ACACB: variants seen among roughly 807,000 people sequenced by gnomAD.
The protein encoded by ACACB is acetyl-CoA carboxylase 2.
A neutral mutation model predicts 278.8 loss-of-function variants in ACACB; 209 were observed. The ratio of observed to expected loss-of-function variants is 0.75; its 90% confidence interval spans 0.67 to 0.84. The LOEUF is 0.84. Ranked by LOEUF, ACACB falls within the 40% of genes least tolerant of loss-of-function variation. The pLI, the probability that ACACB is intolerant of heterozygous loss-of-function variation, is 0.00. For synonymous variants in ACACB, 1,174 were observed against 1,285.6 expected (o/e 0.91, Z 1.86); for missense variants, 2,850 against 3,269.0 (o/e 0.87, Z 3.13).
Position 109,212,880 on chromosome 12 carries a change from G to A in ACACB, c.3294G>A (p.Lys1098=). The change falls in exon 22 of 53, where the codon AAG becomes AAA. Residue 1098 remains lysine, a synonymous_variant. Coordinates refer to ENST00000338432, the MANE Select transcript of ACACB (RefSeq NM_001093.4). ...LDCHAATLQR[K]ADREVFFINT... Reference sequence around the variant, plus strand: ...GCCATGCAGCCACCCTGCAGCGGAAGGCTGATCGAGAGGTCTTCTTCATCA... The same window carrying A: ...GCCATGCAGCCACCCTGCAGCGGAAAGCTGATCGAGAGGTCTTCTTCATCA... 2 of 1,614,164 alleles carry A rather than the reference G, an allele frequency of 1.2e-6. No individual in the cohort carries two copies. The highest frequency in any genetic ancestry group is 1.7e-6 in the Non-Finnish European group (2 of 1,180,024).
At chr12:109,246,492 C>T (rs751943268) in intron 39 of ACACB, 44 bp downstream of exon 39, 57 of 1,589,136 alleles carry the variant, frequency 3.6e-5, no homozygotes, top group Non-Finnish European at 4.8e-5. Context: ...TGCTCAGCTA[C>T]TACTGTATTT....
At chr12:109,234,919 T>G (rs1409262573) in intron 31 of ACACB, among the ~76,000 whole-genome samples, 1 of 148,104 alleles carries the variant, frequency 6.8e-6, no homozygotes, top group African/African-American at 2.5e-5. Context: ...CCTGTTTTTT[T>G]TTTTAGAAGA....
At chr12:109,154,860 G>T (rs1407843776) in intron 2 of ACACB, 2 of 152,746 alleles carry the variant, frequency 1.3e-5, no homozygotes, top group Non-Finnish European at 2.9e-5. Context: ...ACCCCTGCGG[G>T]AGCCCGGTGG....
intron 2 of ACACB, among the ~76,000 whole-genome samples, chr12:109,163,867 C>G (rs1223920802): frequency 1.3e-5 from 2 of 152,208 alleles, no homozygotes; most frequent in Non-Finnish European, 2.9e-5. Context: ...CCAAGCTGGT[C>G]TCTAACTCCT....
In ACACB at chr12:109,197,145, G is replaced by A; in HGVS notation, c.2619G>A (p.Glu873=). The change falls in exon 17 of 53, where the codon GAG becomes GAA. Residue 873 remains glutamate (E), a synonymous_variant. Coordinates refer to ENST00000338432, the MANE Select transcript of ACACB (RefSeq NM_001093.4). The part of the protein sequence containing the change: ...GNSYTTYMKE[E]VDSYRITIGN... The stretch of plus-strand genomic sequence containing the variant: ...GCTACACCACCTACATGAAGGAAGA[G>A]GTTGACAGGTGCGTGGGGGTGCGAG... 1.2e-6 allele frequency: 2 copies of A among 1,605,252 alleles called. No individual in the cohort carries two copies. The highest frequency in any genetic ancestry group is 8.5e-7 in the Non-Finnish European group (1 of 1,176,202).
chr12:109,223,858 C>T lies in ACACB; in HGVS notation c.3836C>T (p.Thr1279Ile). The change falls in exon 27 of 53, where the codon ACT becomes ATT. Residue 1279 changes from threonine (T) to isoleucine (I), a missense_variant. Transcript: ENST00000338432. ...SETTIFDVLP[T>I]FFYHANKVVC... Reference sequence around the variant, plus strand: ...ACAACCATCTTCGACGTCCTGCCTACTTTCTTCTATCACGCAAACAAAGTC... The same window carrying T: ...ACAACCATCTTCGACGTCCTGCCTATTTTCTTCTATCACGCAAACAAAGTC... 4 of 1,614,190 alleles carry T rather than the reference C, an allele frequency of 2.5e-6. No individual in the cohort carries two copies. The highest frequency in any genetic ancestry group is 3.4e-6 in the Non-Finnish European group (4 of 1,180,028).
At chr12:109,169,516 T>A (rs1207034533) in intron 4 of ACACB, among the ~76,000 whole-genome samples, 1 of 152,152 alleles carries the variant, frequency 6.6e-6, no homozygotes, top group Non-Finnish European at 1.5e-5. Flanking sequence ...AGTCCCCTCC[T>A]GGCTCCATCT....
At chr12:109,122,034 T>TG (rs2135941922) in intron 1 of ACACB, among the ~76,000 whole-genome samples, 1 of 151,580 alleles carries the variant, frequency 6.6e-6, no homozygotes, top group East Asian at 1.9e-4. Context: ...AGGACAGAAG[T>TG]GGGGGCAGGG....
rs758984183 is a variant in ACACB, at chr12:109,172,322, G to A, written c.1083G>A (p.Pro361=). Residue 361 remains proline (P), a synonymous_variant, in exon 6 of 53, where the codon CCG becomes CCA. Coordinates refer to ENST00000338432, the MANE Select transcript of ACACB (RefSeq NM_001093.4). ...WGHASENPKL[P]ELLCKNGVAF... is the part of the protein sequence containing the mutation. ...ATGCTTCAGAAAACCCTAAACTTCC[G>A]GAGCTGCTGTGCAAGAATGGAGTTG... The A allele has an allele frequency of 3.0e-5, 48 of 1,614,002 alleles. No homozygotes were observed. The Middle Eastern group carries it at 1.2e-3, about 39-fold the overall frequency.
chr12:109,199,507 G>A lies in ACACB; in HGVS notation c.2733G>A (p.Glu911=). 6.5e-7 allele frequency: 1 copy of A among 1,540,716 alleles called. No individual in the cohort carries two copies. The highest frequency in any genetic ancestry group is 8.8e-7 in the Non-Finnish European group (1 of 1,142,198). Residue 911 remains glutamate (E), a synonymous_variant, in exon 18 of 53, where the codon GAG becomes GAA. Coordinates refer to ENST00000338432, the MANE Select transcript of ACACB (RefSeq NM_001093.4). ...SAGKLTQYTV[E]DGGHVEAGSS... is the part of the protein sequence containing the mutation. ...GGAAGCTGACACAGTACACAGTGGA[G>A]GATGGGGGCCACGTTGAGGCTGGGA...
In ACACB at chr12:109,223,130, G is replaced by A. The variant is rs368590990; in HGVS notation, c.3792+218G>A. Among the ~76,000 whole-genome samples the A allele has an allele frequency of 2.7e-4, 41 of 152,306 alleles. 1 individual carries two copies. The East Asian group carries it at 7.3e-3, about 27-fold the overall frequency. ...GGCATGGAGCCCAGTCCTCCAGGAAGGACAGTGTGACAGCAGTGGGGGCTC... is the reference window on the plus strand; with the variant it reads ...GGCATGGAGCCCAGTCCTCCAGGAAAGACAGTGTGACAGCAGTGGGGGCTC... On this transcript the variant is annotated intron_variant, in intron 26 of 52. Coordinates refer to ENST00000338432, the MANE Select transcript of ACACB (RefSeq NM_001093.4).
chr12:109,207,649 C>T (rs922672148), intron 20 of ACACB, among the ~76,000 whole-genome samples: 7 of 152,158 alleles, frequency 4.6e-5, no homozygotes, highest in Non-Finnish European at 7.3e-5. Context: ...CGATAATAAC[C>T]GCCAACCCTT....
At chr12:109,245,504 C>G in intron 37 of ACACB, 122 bp from the exon 38 acceptor site, 1 of 1,061,450 alleles carries the variant, frequency 9.4e-7, no homozygotes, top group Non-Finnish European at 1.3e-6. Context: ...TTTCATGATT[C>G]AAAAAGAGAG....
chr12:109,262,654 C>A (rs1450154969), intron 49 of ACACB, among the ~76,000 whole-genome samples, 185 bp downstream of exon 49: 1 of 151,762 alleles, frequency 6.6e-6, no homozygotes, highest in Non-Finnish European at 1.5e-5. Flanking sequence ...TGAGGTCTGG[C>A]TCTATTGCCT....
At chr12:109,203,477 T>G (rs2045397536) in intron 19 of ACACB, among the ~76,000 whole-genome samples, 1 of 152,222 alleles carries the variant, frequency 6.6e-6, no homozygotes, top group South Asian at 2.1e-4. Context: ...AAAGATGATC[T>G]CACTGATTGT....
At chr12:109,212,700 C>T in intron 21 of ACACB, 136 bp from the exon 22 acceptor site, 6 of 686,432 alleles carry the variant, frequency 8.7e-6, no homozygotes, top group South Asian at 6.9e-5. Context: ...CTGCTTACCT[C>T]CCACTGTTCA....
chr12:109,265,036 T>C (rs2047476711), intron 50 of ACACB, 74 bp from the exon 51 acceptor site: 1 of 1,509,148 alleles, frequency 6.6e-7, no homozygotes. Flanking sequence ...GCAGCCACTG[T>C]CATGGGTGTG....
intron 1 of ACACB, among the ~76,000 whole-genome samples, chr12:109,122,545 C>G (rs1387303679): frequency 7.2e-6 from 1 of 139,008 alleles, no homozygotes; most frequent in Non-Finnish European, 1.5e-5. Flanking sequence ...TGCACTCCAG[C>G]CTAGGCGCCA....
intron 1 of ACACB, among the ~76,000 whole-genome samples, chr12:109,118,849 C>T (rs2042470093): frequency 6.6e-6 from 1 of 152,166 alleles, no homozygotes; most frequent in South Asian, 2.1e-4. Flanking sequence ...AATGTATGCA[C>T]ATTTCACATC....
Sources: allele counts gnomAD v4.1 joint callset (sites outside exome capture counted in the v4.1 genomes callset), GRCh38; gene constraint gnomAD v4.1.1; transcripts MANE v1.5; gene names NCBI Gene and HGNC (gene_info 2026-07-23, HGNC 2026-07-21).